Variants in NEMP2 observed in about 807,000 individuals in gnomAD.
The protein encoded by NEMP2 is UPF0571 transmembrane protein.
NEMP2 carries 53 observed loss-of-function variants against 54.2 expected under a neutral mutation model. The observed-to-expected ratio is 0.98, with a 90% CI of 0.78 to 1.23. The LOEUF (loss-of-function observed/expected upper bound fraction) is 1.23. NEMP2 is among the 50% of genes most tolerant of loss of function. The pLI, the probability that NEMP2 is intolerant of heterozygous loss-of-function variation, is 0.00. For missense variants in NEMP2, 455 were observed against 511.3 expected, an observed-to-expected ratio of 0.89 and a Z score of 1.06; for synonymous variants, 197 against 190.3, an observed-to-expected ratio of 1.04 and a Z score of -0.29.
the NEMP2 span, among the ~76,000 whole-genome samples, chr2:190,640,286 A>G: frequency 7.2e-5 from 11 of 152,324 alleles, no homozygotes; most frequent in African/African-American, 9.6e-5. Context: ...CTGAAATCAT[A>G]TGGACATGTT....
upstream of NEMP2, among the ~76,000 whole-genome samples, chr2:190,535,577 G>T (rs1192198497): frequency 6.6e-6 from 1 of 152,152 alleles, no homozygotes; most frequent in Non-Finnish European, 1.5e-5. Context: ...GTCTTTTGGT[G>T]AGATATCTTA....
the NEMP2 span, among the ~76,000 whole-genome samples, chr2:190,571,930 C>T: frequency 1.8e-4 from 27 of 152,268 alleles, no homozygotes; most frequent in Middle Eastern, 3.4e-3. Flanking sequence ...ACCCTCTCCA[C>T]CTCTCCCCTC....
At chr2:190,636,504 AAATGAATT>A in the NEMP2 span, among the ~76,000 whole-genome samples, 4 of 152,372 alleles carry the variant, frequency 2.6e-5, no homozygotes, top group East Asian at 7.7e-4. Flanking sequence ...GGGCATAAGA[AAATGAATT>A]TAACTGCATC....
At chr2:190,446,496 A>G in the NEMP2 span, among the ~76,000 whole-genome samples, 1 of 152,210 alleles carries the variant, frequency 6.6e-6, no homozygotes, top group Non-Finnish European at 1.5e-5. Context: ...TGGGAGAGCT[A>G]TGTGTTAGCA....
chr2:190,601,260 T>C, the NEMP2 span, among the ~76,000 whole-genome samples: 1 of 152,100 alleles, frequency 6.6e-6, no homozygotes, highest in Non-Finnish European at 1.5e-5. The surrounding 1 kb of genome is among the most constrained non-coding windows in gnomAD (Gnocchi z 5.8). Context: ...CACCAGAAGC[T>C]AAGAGAAAGG....
upstream of NEMP2, among the ~76,000 whole-genome samples, chr2:190,535,502 G>T (rs982557314): frequency 5.3e-5 from 8 of 152,096 alleles, no homozygotes; most frequent in Admixed American, 4.6e-4. Flanking sequence ...CCCTCCACAG[G>T]ACCTGGAACC....
the NEMP2 span, among the ~76,000 whole-genome samples, chr2:190,450,637 C>A: frequency 6.6e-6 from 1 of 151,920 alleles, no homozygotes; most frequent in South Asian, 2.1e-4. Flanking sequence ...AGACTACAGG[C>A]ATGTGCCACC....
the NEMP2 span, among the ~76,000 whole-genome samples, chr2:190,622,806 A>G: frequency 1.3e-5 from 2 of 152,158 alleles, no homozygotes; most frequent in African/African-American, 2.4e-5. Flanking sequence ...TGGCCAAAGA[A>G]TTTTATTCAA....
chr2:190,622,234 TC>T, the NEMP2 span, among the ~76,000 whole-genome samples: 1 of 151,868 alleles, frequency 6.6e-6, no homozygotes, highest in African/African-American at 2.4e-5. Flanking sequence ...AGATCCTGTC[TC>T]CAAGAAAATA....
chr2:190,645,902 A>G, the NEMP2 span, among the ~76,000 whole-genome samples: 1 of 152,218 alleles, frequency 6.6e-6, no homozygotes, highest in Admixed American at 6.5e-5. Context: ...TTTGTCTTTT[A>G]GACTTCCTTC....
the NEMP2 span, among the ~76,000 whole-genome samples, chr2:190,490,751 C>T: frequency 6.6e-6 from 1 of 152,100 alleles, no homozygotes; most frequent in Admixed American, 6.6e-5. The surrounding 1 kb of genome is among the most constrained non-coding windows in gnomAD (Gnocchi z 4.5). Flanking sequence ...AATATTTTTG[C>T]TCAGTTTTTT....
chr2:190,430,542 G>C, the NEMP2 span, among the ~76,000 whole-genome samples: 1 of 151,900 alleles, frequency 6.6e-6, no homozygotes, highest in African/African-American at 2.4e-5. Flanking sequence ...AGATCAACAG[G>C]ATCCCAAGGC....
the NEMP2 span, among the ~76,000 whole-genome samples, chr2:190,475,462 T>C: frequency 2.6e-5 from 4 of 152,158 alleles, no homozygotes; most frequent in Non-Finnish European, 5.9e-5. Context: ...CCATTCACAA[T>C]TGCTTCAAAG....
the NEMP2 span, among the ~76,000 whole-genome samples, chr2:190,460,723 G>A: frequency 6.6e-6 from 1 of 152,228 alleles, no homozygotes; most frequent in South Asian, 2.1e-4. Flanking sequence ...GGCATGAGAT[G>A]GAGCTGGGTG....
chr2:190,637,180 T>G, the NEMP2 span, among the ~76,000 whole-genome samples: 1 of 152,264 alleles, frequency 6.6e-6, no homozygotes, highest in African/African-American at 2.4e-5. The surrounding 1 kb of genome is among the most constrained non-coding windows in gnomAD (Gnocchi z 4.5). Flanking sequence ...TAGTGTACAG[T>G]AAGTACAGAA....
At chr2:190,638,819 T>G in the NEMP2 span, among the ~76,000 whole-genome samples, 3 of 152,104 alleles carry the variant, frequency 2.0e-5, no homozygotes, top group Non-Finnish European at 4.4e-5. The surrounding 1 kb of genome is among the most constrained non-coding windows in gnomAD (Gnocchi z 5.7). Context: ...GGCTCTGCTC[T>G]CCTCCCCTAA....
the NEMP2 span, among the ~76,000 whole-genome samples, chr2:190,430,134 A>G: frequency 6.6e-6 from 1 of 150,502 alleles, no homozygotes; most frequent in Non-Finnish European, 1.5e-5. Context: ...GCTGAGAATG[A>G]TGGTTTCCAG....
chr2:190,576,820 G>C, the NEMP2 span, among the ~76,000 whole-genome samples: 1 of 152,316 alleles, frequency 6.6e-6, no homozygotes. Flanking sequence ...TTGTTGGGCA[G>C]TTATGGCAAC....
chr2:190,532,815 G>A (rs1691196048), intron 1 of NEMP2, among the ~76,000 whole-genome samples: 1 of 152,204 alleles, frequency 6.6e-6, no homozygotes, highest in South Asian at 2.1e-4. Flanking sequence ...GCTGCCAACA[G>A]TGTCACTGGC....
Sources: allele counts gnomAD v4.1 joint callset (sites outside exome capture counted in the v4.1 genomes callset), GRCh38; gene constraint gnomAD v4.1.1; non-coding constraint Gnocchi (gnomAD v3.1); transcripts MANE v1.5; gene names NCBI Gene and HGNC (gene_info 2026-07-23, HGNC 2026-07-21).